TPO: variants seen among roughly 807,000 people sequenced by gnomAD.
The protein encoded by TPO is thyroid peroxidase.
TPO carries 78 observed loss-of-function variants against 96.9 expected under a neutral mutation model. That is an observed-to-expected ratio of 0.81 (90% CI 0.67 to 0.97). The LOEUF is 0.97. TPO is among the 50% of genes least tolerant of loss of function. The pLI is 0.00. For missense variants in TPO, 1,252 were observed against 1,274.8 expected (o/e 0.98, Z 0.27); for synonymous variants, 547 against 538.0 (o/e 1.02, Z -0.23).
At chr2:1,480,371 G>A (rs1670427758) in intron 8 of TPO, among the ~76,000 whole-genome samples, 1 of 152,062 alleles carries the variant, frequency 6.6e-6, no homozygotes, top group East Asian at 1.9e-4. Context: ...AGCCGTATTT[G>A]AAAGATCCAC....
intron 7 of TPO, among the ~76,000 whole-genome samples, chr2:1,470,485 A>G (rs529628853): frequency 1.3e-5 from 2 of 151,360 alleles, no homozygotes; most frequent in Admixed American, 6.6e-5. Flanking sequence ...TGACATCTAC[A>G]TTGTTATCTT....
Position 1,493,794 on chromosome 2 carries a change from C to A in TPO, c.1769-8C>A. 1.2e-6 allele frequency: 2 copies of A among 1,613,816 alleles called. No individual in the cohort carries two copies. The highest frequency in any genetic ancestry group is 1.7e-6 in the Non-Finnish European group (2 of 1,179,724). ...TGAGAGAAACCCTGCAGCCTCTCCC[C>A]TGTGCAGGTTACAATGAGTGGAGGG... On this transcript the variant is annotated splice_region_variant and splice_polypyrimidine_tract_variant and intron_variant, in intron 10 of 16. Coordinates refer to ENST00000329066, the MANE Select transcript of TPO (RefSeq NM_001206744.2).
intron 15 of TPO, among the ~76,000 whole-genome samples, chr2:1,530,342 C>T (rs1179404335): frequency 6.9e-6 from 1 of 144,584 alleles, no homozygotes; most frequent in South Asian, 2.3e-4. Context: ...TCCTCAAATC[C>T]CCCCAAGTGT....
intron 1 of TPO, among the ~76,000 whole-genome samples, chr2:1,393,410 CA>C (rs1392618903): frequency 3.9e-5 from 6 of 152,084 alleles, no homozygotes; most frequent in African/African-American, 1.4e-4. Flanking sequence ...GACACAGATT[CA>C]AGCCATATCA....
Position 1,508,864 on chromosome 2 carries a change from GT to G in TPO, c.2518+4789del, listed in dbSNP as rs565952765. 1.5e-4 allele frequency among the ~76,000 whole-genome samples: 23 copies of G among 152,168 alleles called. No homozygotes were observed. The South Asian group carries it at 4.8e-3, about 32-fold the overall frequency. On this transcript the variant is annotated intron_variant, in intron 14 of 16. Transcript: ENST00000329066. ...CCTGGATTCATTAATTTTTTGAAGG[GT>G]TTTATGTATCTCTATTTCCTTCAGT...
At chr2:1,496,232 C>A in intron 12 of TPO, 35 bp downstream of exon 12, 2 of 1,599,866 alleles carry the variant, frequency 1.3e-6, no homozygotes, top group Non-Finnish European at 1.7e-6. Context: ...CACGTTACAG[C>A]ACGTGCATCT....
At chr2:1,413,751 T>C in intron 1 of TPO, 1 of 985,292 alleles carries the variant, frequency 1.0e-6, no homozygotes, top group Non-Finnish European at 1.2e-6. Context: ...GATTCCTAGA[T>C]CACCGTCTAC....
intron 2 of TPO, 120 bp downstream of exon 2, chr2:1,414,622 G>A (rs919949788): frequency 2.4e-6 from 2 of 845,430 alleles, no homozygotes; most frequent in Admixed American, 2.3e-5. Flanking sequence ...TGTATGCTTT[G>A]TTATGCTTAA....
At chr2:1,452,580 G>A (rs935984630) in intron 5 of TPO, among the ~76,000 whole-genome samples, 10 of 152,150 alleles carry the variant, frequency 6.6e-5, no homozygotes, top group African/African-American at 1.4e-4. Context: ...TGACTATGTC[G>A]CTGGGAACAG....
chr2:1,477,938 A>G (rs1021626842), intron 8 of TPO: 10 of 984,510 alleles, frequency 1.0e-5, no homozygotes, highest in African/African-American at 1.8e-5. Flanking sequence ...CAGCCCCACA[A>G]CAGTGGCAGC....
In TPO at chr2:1,542,537, T is replaced by A; in HGVS notation, c.*63T>A. 1 of 1,608,886 alleles carries A rather than the reference T, an allele frequency of 6.2e-7. No homozygotes were observed. The highest frequency in any genetic ancestry group is 1.3e-5 in the African/African-American group (1 of 74,960). On this transcript the variant is annotated 3_prime_UTR_variant, in exon 17 of 17. Transcript: ENST00000329066. ...TCCCAAAATCACCGTACGACTCTTTTCCAAACACAGGCAAATCCGAAATCA... is the reference window on the plus strand; with the variant it reads ...TCCCAAAATCACCGTACGACTCTTTACCAAACACAGGCAAATCCGAAATCA...
rs1672484442 is a variant in TPO at position 1,497,585 on chromosome 2, G to T, written c.2386+820G>T. Reference sequence around the variant, plus strand: ...CCACAAAACCTGGACCGCTGGTTCTGGTCTCATGGGACAGTGGCGTCAGGG... The same window carrying T: ...CCACAAAACCTGGACCGCTGGTTCTTGTCTCATGGGACAGTGGCGTCAGGG... On this transcript the variant is annotated intron_variant, in intron 13 of 16. Coordinates refer to ENST00000329066, the MANE Select transcript of TPO (RefSeq NM_001206744.2). 2.0e-5 allele frequency among the ~76,000 whole-genome samples: 3 copies of T among 152,170 alleles called. No homozygotes were observed. The South Asian group carries it at 6.2e-4, about 31-fold the overall frequency.
In TPO at chr2:1,471,259, T is replaced by G. The variant is rs577002869; in HGVS notation, c.820-5827T>G. Among the ~76,000 whole-genome samples the G allele has an allele frequency of 3.9e-5, 6 of 152,348 alleles. No homozygotes were observed. In the East Asian group the frequency reaches 1.2e-3, roughly 29 times the overall value. On this transcript the variant is annotated intron_variant, in intron 7 of 16. Coordinates refer to ENST00000329066, the MANE Select transcript of TPO (RefSeq NM_001206744.2). The stretch of plus-strand genomic sequence containing the variant: ...AGATCTTTGGTTATGGGCTCAGTTC[T>G]GGGTGCAGTTAGTCTATTCGAGCCC...
At chr2:1,378,771 C>T (rs556913798) in intron 1 of TPO, among the ~76,000 whole-genome samples, 2 of 152,188 alleles carry the variant, frequency 1.3e-5, no homozygotes, top group South Asian at 2.1e-4. Flanking sequence ...GCGGGGGGTT[C>T]GTGCCTGAGC....
intron 1 of TPO, among the ~76,000 whole-genome samples, chr2:1,406,609 G>A (rs1271998637): frequency 5.3e-5 from 8 of 152,192 alleles, no homozygotes; most frequent in Admixed American, 3.3e-4. Flanking sequence ...AGAGCTCATC[G>A]GCCTGAGGGC....
chr2:1,466,484 T>C lies in TPO; in HGVS notation c.819+10202T>C, dbSNP rs1668909871. On this transcript the variant is annotated intron_variant, in intron 7 of 16. Coordinates refer to ENST00000329066, the MANE Select transcript of TPO (RefSeq NM_001206744.2). ...GGATTGGTAACAATTCTTCTTTGAA[T>C]GTCTGGCAGAATTCTTCTGTGAATC... Among the ~76,000 whole-genome samples the C allele has an allele frequency of 1.3e-5, 2 of 152,218 alleles. 1 individual carries two copies. The highest frequency in any genetic ancestry group is 1.3e-4 in the Admixed American group (2 of 15,284).
Position 1,531,649 on chromosome 2 carries a change from C to T in TPO, c.2619-8945C>T, listed in dbSNP as rs1186205895. ...ACACCCCTCAATGTGTGCAACCTCG[C>T]CCAATCACGACACTGTGTGCAATCT... On this transcript the variant is annotated intron_variant, in intron 15 of 16. Coordinates refer to ENST00000329066, the MANE Select transcript of TPO (RefSeq NM_001206744.2). Among the ~76,000 whole-genome samples the T allele has an allele frequency of 5.1e-5, 5 of 98,888 alleles. 1 individual carries two copies. The highest frequency in any genetic ancestry group is 2.3e-4 in the Admixed American group (2 of 8,864). 64.9% of individuals were successfully genotyped at this position (98,888 alleles called of 152,430 possible).
At chr2:1,407,238 G>A (rs190871699) in intron 1 of TPO, among the ~76,000 whole-genome samples, 17 of 152,282 alleles carry the variant, frequency 1.1e-4, no homozygotes, top group South Asian at 4.1e-4. Flanking sequence ...AGTCAGCAAA[G>A]TATCTTTCTA....
intron 1 of TPO, among the ~76,000 whole-genome samples, chr2:1,388,450 G>A (rs991394445): frequency 6.6e-6 from 1 of 152,184 alleles, no homozygotes; most frequent in South Asian, 2.1e-4. Context: ...CTTGCAGTTG[G>A]ATCTCAGACT....
Sources: gnomAD v4.1 joint callset for allele counts (sites outside exome capture counted in the v4.1 genomes callset) on GRCh38, gnomAD v4.1.1 for gene constraint, MANE v1.5 for transcripts, NCBI Gene and HGNC (gene_info 2026-07-23, HGNC 2026-07-21) for gene names.